Variants in PCDHA9 observed in about 807,000 individuals in gnomAD.
The protein encoded by PCDHA9 is protocadherin alpha 9, also known as protocadherin alpha-9.
PCDHA9 carries 62 observed loss-of-function variants against 62.0 expected under a neutral mutation model. That is an observed-to-expected ratio of 1.00 (90% confidence interval 0.81 to 1.23). PCDHA9 has a LOEUF of 1.23. Ranked by LOEUF, PCDHA9 falls within the 50% of genes most tolerant of loss-of-function variation. The probability of loss-of-function intolerance (pLI) is 0.00; values close to 1 mark genes in which losing one functional copy is unlikely to be tolerated. For missense variants in PCDHA9, 1,205 were observed against 1,249.8 expected (o/e 0.96, Z 0.54); for synonymous variants, 557 against 567.6 (o/e 0.98, Z 0.27).
chr5:140,945,636 G>A (rs2093820936), intron 1 of PCDHA9, among the ~76,000 whole-genome samples: 1 of 152,092 alleles, frequency 6.6e-6, no homozygotes, highest in Admixed American at 6.6e-5. Context: ...TAAAAGACAT[G>A]TAGACCAATG....
chr5:140,926,944 G>A, intron 1 of PCDHA9: 1 of 1,588,324 alleles, frequency 6.3e-7, no homozygotes, highest in Non-Finnish European at 8.6e-7. Flanking sequence ...CTGCGGCGCT[G>A]CAGCGGGACA....
chr5:140,857,262 CAT>C, intron 1 of PCDHA9: 1 of 1,598,710 alleles, frequency 6.3e-7, no homozygotes, highest in Non-Finnish European at 8.6e-7. Flanking sequence ...AATTACTACT[CAT>C]TGGTGCTGGA....
In PCDHA9 at chr5:140,998,188, AG is replaced by A. The variant is rs375338994; in HGVS notation, c.2543-11438del. On this transcript the variant is annotated intron_variant, in intron 3 of 3. Transcript: ENST00000532602. ...CAAGTATTATTCTAAGCACTTTACAAGTATTAACTCCTTTAATCTGTATAAC... is the reference window on the plus strand; with the variant it reads ...CAAGTATTATTCTAAGCACTTTACAATATTAACTCCTTTAATCTGTATAAC... Among the ~76,000 whole-genome samples, 972 of 152,318 alleles carry A rather than the reference AG, an allele frequency of 6.4e-3. 14 individuals are homozygous for A. Among genetic ancestry groups the A allele is most frequent in the African/African-American group, 0.023 (946 of 41,556 alleles).
chr5:140,964,812 T>C (rs2095855698), intron 1 of PCDHA9, among the ~76,000 whole-genome samples: 1 of 151,914 alleles, frequency 6.6e-6, no homozygotes, highest in Non-Finnish European at 1.5e-5. Flanking sequence ...GAGACAGGAA[T>C]AGATTTTGAT....
At chr5:140,939,537 C>T (rs2092406859) in intron 1 of PCDHA9, among the ~76,000 whole-genome samples, 1 of 150,686 alleles carries the variant, frequency 6.6e-6, no homozygotes, top group Non-Finnish European at 1.5e-5. Context: ...TATACAGAGC[C>T]TCTATTTCTT....
intron 1 of PCDHA9, chr5:140,877,829 C>T (rs1554170159): frequency 1.9e-6 from 3 of 1,594,494 alleles, no homozygotes; most frequent in Non-Finnish European, 2.6e-6. Context: ...TGTTTAAATC[C>T]TCCCAGTGAA....
intron 1 of PCDHA9, among the ~76,000 whole-genome samples, chr5:140,975,395 C>T (rs2096665697): frequency 6.6e-6 from 1 of 152,246 alleles, no homozygotes; most frequent in Admixed American, 6.5e-5. Flanking sequence ...AGATCCATCA[C>T]AATCACAGTC....
At chr5:140,966,835 G>A in intron 1 of PCDHA9, 10 of 1,564,886 alleles carry the variant, frequency 6.4e-6, no homozygotes, top group Non-Finnish European at 7.8e-6. Flanking sequence ...TGCCCTGGCT[G>A]CTGCTACTGC....
intron 1 of PCDHA9, among the ~76,000 whole-genome samples, chr5:140,962,255 A>G (rs991096495): frequency 2.0e-5 from 3 of 152,204 alleles, no homozygotes; most frequent in African/African-American, 7.2e-5. Flanking sequence ...TCAATGAAAA[A>G]TAATTTTATA....
At chr5:140,939,441 T>A (rs1471285631) in intron 1 of PCDHA9, among the ~76,000 whole-genome samples, 1 of 152,274 alleles carries the variant, frequency 6.6e-6, no homozygotes, top group East Asian at 1.9e-4. Flanking sequence ...TTTGAAGAAT[T>A]AAGAGTGAAA....
intron 1 of PCDHA9, among the ~76,000 whole-genome samples, chr5:140,921,875 A>G (rs1414785128): frequency 6.6e-6 from 1 of 152,118 alleles, no homozygotes; most frequent in Non-Finnish European, 1.5e-5. Flanking sequence ...CAGTATATAT[A>G]TAAGATTTTA....
chr5:140,946,384 G>A (rs2093939169), intron 1 of PCDHA9, among the ~76,000 whole-genome samples: 1 of 151,758 alleles, frequency 6.6e-6, no homozygotes, highest in Non-Finnish European at 1.5e-5. Context: ...CGGTTGGTAG[G>A]AATGTAAATT....
chr5:140,972,235 G>A (rs1368131761), intron 1 of PCDHA9, among the ~76,000 whole-genome samples: 2 of 151,838 alleles, frequency 1.3e-5, no homozygotes, highest in African/African-American at 4.8e-5. Context: ...GACCTTCTGG[G>A]CTCAAGCAAT....
At chr5:140,939,335 T>A (rs1195092720) in intron 1 of PCDHA9, among the ~76,000 whole-genome samples, 2 of 152,080 alleles carry the variant, frequency 1.3e-5, no homozygotes, top group Non-Finnish European at 2.9e-5. Context: ...ATCTTAGGGG[T>A]TAGCATTTCA....
At chr5:140,929,391 A>G in intron 1 of PCDHA9, 1 of 1,511,404 alleles carries the variant, frequency 6.6e-7, no homozygotes, top group South Asian at 1.4e-5. Flanking sequence ...GTTTTGAAAT[A>G]TTTCTTAGAC....
At chr5:140,884,469 C>T (rs371718634) in intron 1 of PCDHA9, 1 of 1,613,766 alleles carries the variant, frequency 6.2e-7, no homozygotes, top group Admixed American at 1.7e-5. Flanking sequence ...GCGTGCGCGC[C>T]GGGCAAGCCC....
chr5:140,884,183 G>A (rs201206731), intron 1 of PCDHA9: 1 of 1,613,424 alleles, frequency 6.2e-7, no homozygotes, highest in Non-Finnish European at 8.5e-7. Flanking sequence ...CCCTCTGGAC[G>A]AGGTGGACGC....
chr5:140,863,217 G>A (rs932359746), intron 1 of PCDHA9: 13 of 1,095,768 alleles, frequency 1.2e-5, no homozygotes, highest in Non-Finnish European at 1.6e-5. Flanking sequence ...GCAGCCAAGC[G>A]AGGAAGGTCC....
At chr5:141,004,602 G>A (rs1345777080) in intron 3 of PCDHA9, among the ~76,000 whole-genome samples, 18 of 152,298 alleles carry the variant, frequency 1.2e-4, no homozygotes, top group African/African-American at 4.1e-4. Flanking sequence ...CAGTGCTTAG[G>A]CCTCATGCAG....
Sources: allele counts gnomAD v4.1 joint callset (sites outside exome capture counted in the v4.1 genomes callset), GRCh38; gene constraint gnomAD v4.1.1; transcripts MANE v1.5; gene names NCBI Gene and HGNC (gene_info 2026-07-23, HGNC 2026-07-21).